The following STAG1 variants were observed in gnomAD, a reference collection of about 807,000 sequenced individuals.
The protein encoded by STAG1 is STAG1 cohesin complex component.
STAG1 carries 26 observed loss-of-function variants against 170.9 expected under a neutral mutation model. That is an observed-to-expected ratio of 0.15 (90% CI 0.11 to 0.21). STAG1 has a LOEUF of 0.21. STAG1 is among the 10% of genes least tolerant of loss of function. The pLI, the probability that STAG1 is intolerant of heterozygous loss-of-function variation, is 1.00. For synonymous variants in STAG1, 514 were observed against 497.7 expected, an observed-to-expected ratio of 1.03 and a Z score of -0.44; for missense variants, 964 against 1,509.5, an observed-to-expected ratio of 0.64 and a Z score of 5.99.
intron 16 of STAG1, among the ~76,000 whole-genome samples, chr3:136,430,910 T>C (rs1252825349): frequency 8.2e-6 from 1 of 122,342 alleles, no homozygotes; most frequent in East Asian, 2.0e-4. Context: ...ACATTCTTCC[T>C]TTTTTTTTTT....
chr3:136,598,265 TTTC>T (rs1938515920), intron 4 of STAG1, among the ~76,000 whole-genome samples: 3 of 152,284 alleles, frequency 2.0e-5, no homozygotes, highest in South Asian at 4.1e-4. Context: ...GTTTGCTGTT[TTTC>T]TTTTTTCTAG....
chr3:136,751,987 G>A (rs530479128), intron 1 of STAG1, among the ~76,000 whole-genome samples: 9 of 150,742 alleles, frequency 6.0e-5, no homozygotes, highest in African/African-American at 1.2e-4. Flanking sequence ...CGGGCACTCG[G>A]ACGGCCCACG....
intron 7 of STAG1, among the ~76,000 whole-genome samples, chr3:136,507,284 TTTGG>T (rs1311497216): frequency 6.6e-6 from 1 of 152,220 alleles, no homozygotes; most frequent in Non-Finnish European, 1.5e-5. Context: ...AACTGGCAAC[TTTGG>T]TTGTCTTCAA....
intron 23 of STAG1, among the ~76,000 whole-genome samples, chr3:136,372,800 T>C (rs953748265): frequency 6.6e-6 from 1 of 152,232 alleles, no homozygotes; most frequent in African/African-American, 2.4e-5. Context: ...GATATTGGTC[T>C]AAAATTCTCT....
chr3:136,545,827 G>A (rs1936133076), intron 5 of STAG1, among the ~76,000 whole-genome samples: 1 of 152,128 alleles, frequency 6.6e-6, no homozygotes, highest in African/African-American at 2.4e-5. Flanking sequence ...TGATGAGTCT[G>A]TCTCTAGATG....
intron 4 of STAG1, among the ~76,000 whole-genome samples, chr3:136,587,541 CA>C (rs747339467): frequency 0.11 from 6,798 of 60,646 alleles, 99 homozygotes; most frequent in South Asian, 0.14. Flanking sequence ...AACTCCATCT[CA>C]AAAAAAAAAA....
intron 7 of STAG1, among the ~76,000 whole-genome samples, chr3:136,517,750 A>G (rs924698239): frequency 6.6e-6 from 1 of 152,084 alleles, no homozygotes; most frequent in African/African-American, 2.4e-5. Flanking sequence ...TAAATCCACA[A>G]ACTGTACTAC....
At chr3:136,360,711 C>T (rs927531456) in intron 26 of STAG1, among the ~76,000 whole-genome samples, 3 of 152,090 alleles carry the variant, frequency 2.0e-5, no homozygotes, top group African/African-American at 7.2e-5. Flanking sequence ...CTCTGTCACC[C>T]AGGCTGGAGT....
intron 1 of STAG1, among the ~76,000 whole-genome samples, chr3:136,723,153 A>G (rs574959979): frequency 2.9e-5 from 4 of 138,712 alleles, no homozygotes; most frequent in East Asian, 4.6e-4. Context: ...CCGGCCGCCC[A>G]TCGTCTGGGA....
chr3:136,717,238 T>C (rs914815521), intron 1 of STAG1, among the ~76,000 whole-genome samples: 7 of 152,246 alleles, frequency 4.6e-5, no homozygotes, highest in Non-Finnish European at 7.3e-5. Context: ...ATTTTATATA[T>C]GGACTGAGGC....
At chr3:136,492,081 A>G (rs771393189) in intron 9 of STAG1, among the ~76,000 whole-genome samples, 7 of 152,218 alleles carry the variant, frequency 4.6e-5, no homozygotes, top group Admixed American at 6.5e-5. Context: ...TTAAAAAGTG[A>G]TATCTCTGCA....
intron 4 of STAG1, among the ~76,000 whole-genome samples, chr3:136,588,400 G>A (rs1559894602): frequency 6.6e-6 from 1 of 152,082 alleles, no homozygotes; most frequent in Admixed American, 6.6e-5. Context: ...GCAATGGTTG[G>A]CTCGATCTCG....
rs995183597 is a variant in STAG1 at position 136,406,035 on chromosome 3, G to A, written c.2197-7206C>T. Among the ~76,000 whole-genome samples, 3 of 151,874 alleles carry A rather than the reference G, an allele frequency of 2.0e-5. No homozygotes were observed. In the East Asian group the frequency reaches 5.8e-4, roughly 29 times the overall value. ...ATAAAACCTAGCAATTTTACTCTGG[G>A]GCATTTACTTAATAGAAATGAGTAC... On this transcript the variant is annotated intron_variant, in intron 21 of 33. Transcript: ENST00000383202.
intron 13 of STAG1, among the ~76,000 whole-genome samples, chr3:136,456,447 T>C (rs544768680): frequency 1.3e-5 from 2 of 152,230 alleles, no homozygotes; most frequent in East Asian, 3.9e-4. Context: ...GCAGAACTTA[T>C]GAAATTACCT....
intron 6 of STAG1, among the ~76,000 whole-genome samples, chr3:136,528,960 A>AAACAGAAAACAAAACAAAAAAT (rs1935221145): frequency 1.3e-5 from 2 of 152,004 alleles, no homozygotes; most frequent in Non-Finnish European, 2.9e-5. Context: ...AAACAAAAAA[A>AAACAGAAAACAAAACAAAAAAT]AACAGAAAAC....
rs955085636 is a variant in STAG1, at chr3:136,557,494, G to A, written c.394+11271C>T. On this transcript the variant is annotated intron_variant, in intron 5 of 33. Coordinates refer to ENST00000383202, the MANE Select transcript of STAG1 (RefSeq NM_005862.3). ...ACTAGAAAGCTTTTATAAGAAAACA[G>A]GAGAGTATCTTCATGACCACGGTGT... 3.9e-5 allele frequency among the ~76,000 whole-genome samples: 6 copies of A among 152,082 alleles called. No homozygotes were observed. The South Asian group carries it at 1.2e-3, about 32-fold the overall frequency.
chr3:136,606,463 C>G (rs913318514), intron 3 of STAG1, among the ~76,000 whole-genome samples: 3 of 152,210 alleles, frequency 2.0e-5, no homozygotes, highest in Non-Finnish European at 2.9e-5. Flanking sequence ...GCCACAATGA[C>G]AGGCATCAGC....
chr3:136,516,519 T>TA (rs1462202157), intron 7 of STAG1, among the ~76,000 whole-genome samples: 2 of 151,448 alleles, frequency 1.3e-5, no homozygotes, highest in African/African-American at 2.4e-5. Flanking sequence ...AAACATACAT[T>TA]AAAAAAAAGC....
chr3:136,540,852 A>AAAAAAAAC (rs1935861438), intron 6 of STAG1, among the ~76,000 whole-genome samples: 1 of 141,292 alleles, frequency 7.1e-6, no homozygotes. Flanking sequence ...AAAAAAAAAA[A>AAAAAAAAC]CCTATATATT....
Sources: gnomAD v4.1 joint callset for allele counts (sites outside exome capture counted in the v4.1 genomes callset) on GRCh38, gnomAD v4.1.1 for gene constraint, MANE v1.5 for transcripts, NCBI Gene and HGNC (gene_info 2026-07-23, HGNC 2026-07-21) for gene names.